Variants in GABRB1 observed in about 807,000 individuals in gnomAD.
GABRB1 encodes gamma-aminobutyric acid receptor subunit beta-1.
Under a neutral mutation model 51.6 loss-of-function variants are expected in GABRB1, and 17 were observed. That is an observed-to-expected ratio of 0.33 (90% CI 0.23 to 0.49). The LOEUF (loss-of-function observed/expected upper bound fraction) is 0.49, where lower values mean the gene tolerates loss of function less well. Ranked by LOEUF, GABRB1 falls within the 20% of genes least tolerant of loss-of-function variation. The pLI, the probability that GABRB1 is intolerant of heterozygous loss-of-function variation, is 0.99. For missense variants in GABRB1, 410 were observed against 600.6 expected (o/e 0.68, Z 3.32); for synonymous variants, 247 against 218.9 (o/e 1.13, Z -1.14).
At chr4:47,284,879 A>C (rs1013017046) in intron 4 of GABRB1, among the ~76,000 whole-genome samples, 6 of 152,246 alleles carry the variant, frequency 3.9e-5, no homozygotes, top group African/African-American at 1.4e-4. Context: ...TAGTTTTAAA[A>C]ATGCATAACT....
At chr4:47,424,521 T>C (rs1455222246) in intron 8 of GABRB1, among the ~76,000 whole-genome samples, 1 of 152,228 alleles carries the variant, frequency 6.6e-6, no homozygotes, top group Non-Finnish European at 1.5e-5. Flanking sequence ...TTGCCGCCTA[T>C]GTTTTTCTCT....
intron 5 of GABRB1, among the ~76,000 whole-genome samples, chr4:47,332,339 A>G (rs1349525074): frequency 2.0e-5 from 3 of 152,190 alleles, no homozygotes; most frequent in Non-Finnish European, 4.4e-5. Flanking sequence ...TATTATCCAT[A>G]ATTATAGTGC....
chr4:47,391,639 T>C (rs1727995264), intron 5 of GABRB1, among the ~76,000 whole-genome samples: 1 of 152,220 alleles, frequency 6.6e-6, no homozygotes, highest in South Asian at 2.1e-4. Context: ...TGCATTTCCT[T>C]GGTGCCCAGA....
chr4:47,403,185 C>A, intron 5 of GABRB1, 133 bp from the exon 6 acceptor site: 1 of 852,498 alleles, frequency 1.2e-6, no homozygotes, highest in Non-Finnish European at 1.8e-6. Flanking sequence ...CCACATGAGA[C>A]CTGCATACCA....
rs1026274941 is a variant in GABRB1, at chr4:47,211,401, T to C, written c.461+49932T>C. On this transcript the variant is annotated intron_variant, in intron 4 of 8. Coordinates refer to ENST00000295454, the MANE Select transcript of GABRB1 (RefSeq NM_000812.4). ...TAGGTATCTTGTGTATTAGGTATTA[T>C]TAGTTATAATACTCACTTTAAAAAT... Among the ~76,000 whole-genome samples, 6 of 152,184 alleles carry C rather than the reference T, an allele frequency of 3.9e-5. 1 individual carries two copies. The highest frequency in any genetic ancestry group is 2.6e-4 in the Admixed American group (4 of 15,258).
intron 3 of GABRB1, among the ~76,000 whole-genome samples, chr4:47,052,129 C>CA (rs1726379255): frequency 6.6e-6 from 1 of 151,796 alleles, no homozygotes; most frequent in African/African-American, 2.4e-5. Context: ...GACCCTGTCT[C>CA]AAAAAATAAA....
chr4:47,251,263 C>T lies in GABRB1; in HGVS notation c.462-68864C>T, dbSNP rs192336076. Among the ~76,000 whole-genome samples the T allele has an allele frequency of 6.8e-4, 103 of 152,298 alleles. No individual in the cohort carries two copies. The East Asian group carries it at 0.016, about 24-fold the overall frequency. On this transcript the variant is annotated intron_variant, in intron 4 of 8. Coordinates refer to ENST00000295454, the MANE Select transcript of GABRB1 (RefSeq NM_000812.4). ...AAGTCTACCAGGCTCCGGGCTGGTA[C>T]TGGAGTTATCTGCACAGAGTCTTAT... is the stretch of plus-strand genomic sequence containing the variant.
chr4:47,152,606 C>G (rs1348691199), intron 3 of GABRB1, among the ~76,000 whole-genome samples: 1 of 151,934 alleles, frequency 6.6e-6, no homozygotes, highest in Non-Finnish European at 1.5e-5. Flanking sequence ...TTCCTTGAGC[C>G]CTGTCTTCCT....
chr4:47,141,665 A>G (rs1348206221), intron 3 of GABRB1, among the ~76,000 whole-genome samples: 1 of 151,972 alleles, frequency 6.6e-6, no homozygotes, highest in Admixed American at 6.6e-5. Flanking sequence ...CATTTCTCAG[A>G]AACACTTGAT....
At chr4:47,421,182 T>A (rs1729082301) in intron 8 of GABRB1, among the ~76,000 whole-genome samples, 1 of 151,196 alleles carries the variant, frequency 6.6e-6, no homozygotes, top group South Asian at 2.1e-4. Flanking sequence ...AACCACTTAA[T>A]GCTATGATTT....
At chr4:47,194,964 C>A (rs1719586796) in intron 4 of GABRB1, among the ~76,000 whole-genome samples, 1 of 152,152 alleles carries the variant, frequency 6.6e-6, no homozygotes, top group African/African-American at 2.4e-5. Context: ...GGTCTTGAAA[C>A]AGTCCAATAA....
chr4:47,049,576 G>A (rs1290000154), intron 3 of GABRB1, among the ~76,000 whole-genome samples: 3 of 152,130 alleles, frequency 2.0e-5, no homozygotes, highest in African/African-American at 4.8e-5. Flanking sequence ...AATGGCATCC[G>A]AGGTTAAAAT....
chr4:47,312,205 A>G (rs908707501), intron 4 of GABRB1, among the ~76,000 whole-genome samples: 1 of 152,108 alleles, frequency 6.6e-6, no homozygotes, highest in Non-Finnish European at 1.5e-5. Context: ...TTACTACTCC[A>G]ACATTTTGCT....
intron 4 of GABRB1, among the ~76,000 whole-genome samples, chr4:47,299,534 A>G (rs1017652897): frequency 3.3e-5 from 5 of 152,208 alleles, no homozygotes; most frequent in African/African-American, 4.8e-5. Context: ...TCAAAACCAC[A>G]ATGAGATACC....
At chr4:47,047,928 TGGAA>T (rs1163191664) in intron 3 of GABRB1, among the ~76,000 whole-genome samples, 1 of 152,106 alleles carries the variant, frequency 6.6e-6, no homozygotes, top group Non-Finnish European at 1.5e-5. Flanking sequence ...GAGAAGATGC[TGGAA>T]GGAACTACTA....
chr4:47,269,436 A>C (rs939369553), intron 4 of GABRB1, among the ~76,000 whole-genome samples: 2 of 152,210 alleles, frequency 1.3e-5, no homozygotes, highest in African/African-American at 4.8e-5. Context: ...GAACCATTAT[A>C]TTAGTCAAAT....
chr4:47,338,527 C>T (rs920499901), intron 5 of GABRB1, among the ~76,000 whole-genome samples: 2 of 152,218 alleles, frequency 1.3e-5, no homozygotes, highest in African/African-American at 2.4e-5. Flanking sequence ...GTCAAGTCCA[C>T]AGGCTAGCGA....
intron 4 of GABRB1, among the ~76,000 whole-genome samples, chr4:47,184,493 C>T (rs1292680593): frequency 6.6e-6 from 1 of 151,924 alleles, no homozygotes; most frequent in Non-Finnish European, 1.5e-5. Flanking sequence ...TGTTTTGCCT[C>T]ACTCTAAAAG....
chr4:47,239,457 G>A (rs1286232187), intron 4 of GABRB1, among the ~76,000 whole-genome samples: 3 of 152,062 alleles, frequency 2.0e-5, no homozygotes, highest in South Asian at 4.1e-4. Flanking sequence ...TTTAGCTTTA[G>A]TGGATACTGG....
Sources: allele counts gnomAD v4.1 joint callset (sites outside exome capture counted in the v4.1 genomes callset), GRCh38; gene constraint gnomAD v4.1.1; transcripts MANE v1.5; gene names NCBI Gene and HGNC (gene_info 2026-07-23, HGNC 2026-07-21).